The following SLC25A37 variants were observed in gnomAD, a reference collection of about 807,000 sequenced individuals.
SLC25A37 encodes the protein solute carrier family 25 member 37, also known as mitoferrin-1.
A neutral mutation model predicts 31.0 loss-of-function variants in SLC25A37; 17 were observed. The ratio of observed to expected loss-of-function variants is 0.55; its 90% CI spans 0.38 to 0.82. SLC25A37 has a LOEUF of 0.82. Ranked by LOEUF, SLC25A37 falls within the 40% of genes least tolerant of loss-of-function variation. The probability of loss-of-function intolerance (pLI) is 0.00; values close to 1 mark genes in which losing one functional copy is unlikely to be tolerated. For synonymous variants in SLC25A37, 222 were observed against 193.0 expected (o/e 1.15, Z -1.24); for missense variants, 404 against 465.8 (o/e 0.87, Z 1.22).
intron 1 of SLC25A37, among the ~76,000 whole-genome samples, chr8:23,535,703 C>T (rs1801751528): frequency 6.6e-6 from 1 of 152,204 alleles, no homozygotes; most frequent in African/African-American, 2.4e-5. Flanking sequence ...AATGGACCCA[C>T]AGTTCCACGT....
At chr8:23,546,752 T>A (rs1175430363) in intron 1 of SLC25A37, among the ~76,000 whole-genome samples, 2 of 145,284 alleles carry the variant, frequency 1.4e-5, no homozygotes, top group African/African-American at 5.0e-5. Flanking sequence ...ATTGTGCAGG[T>A]GATAAAATCA....
intron 1 of SLC25A37, among the ~76,000 whole-genome samples, chr8:23,556,276 G>A (rs1377072137): frequency 2.0e-5 from 3 of 149,882 alleles, no homozygotes; most frequent in Non-Finnish European, 3.0e-5. Flanking sequence ...GCTGAAGTGC[G>A]GTGACATGAT....
At chr8:23,559,233 C>T (rs369232474) in intron 1 of SLC25A37, among the ~76,000 whole-genome samples, 3 of 152,098 alleles carry the variant, frequency 2.0e-5, no homozygotes, top group East Asian at 1.9e-4. Flanking sequence ...AAAATGCAAA[C>T]GTGGAAACTG....
In SLC25A37 at chr8:23,529,288, G is replaced by T; in HGVS notation, c.210+76G>T. 7.1e-7 allele frequency: 1 copy of T among 1,418,162 alleles called. No homozygotes were observed. Among genetic ancestry groups the T allele is most frequent in the Non-Finnish European group, 9.5e-7 (1 of 1,055,078 alleles). The allele number at this position is 1,418,162 out of a possible 1,614,324, so 87.8% of individuals were successfully genotyped here. A position where few individuals can be genotyped will look rare whatever the true frequency, so the allele number is the denominator to read the frequency against. The stretch of plus-strand genomic sequence containing the variant: ...GCGCGCATTTGCATCCCGCGCGCCG[G>T]CAGCCTCGGGGCAGCGTCCCGAAAC... On this transcript the variant is annotated intron_variant, in intron 1 of 3. Coordinates refer to ENST00000519973, the MANE Select transcript of SLC25A37 (RefSeq NM_016612.4). This position sits in a 1 kb window ranked among gnomAD's most constrained non-coding sequence, Gnocchi z 4.1.
At chr8:23,552,521 C>G (rs1291195925) in intron 1 of SLC25A37, among the ~76,000 whole-genome samples, 1 of 152,170 alleles carries the variant, frequency 6.6e-6, no homozygotes, top group Non-Finnish European at 1.5e-5. Flanking sequence ...AGCTTCAAAG[C>G]TGGTCCCTCT....
intron 1 of SLC25A37, among the ~76,000 whole-genome samples, chr8:23,557,185 G>GC (rs1285553928): frequency 6.6e-6 from 1 of 152,256 alleles, no homozygotes; most frequent in African/African-American, 2.4e-5. Context: ...TTTTCAAAGG[G>GC]CCAGGGTGGG....
Position 23,543,688 on chromosome 8 carries a change from C to G in SLC25A37, c.210+14476C>G, listed in dbSNP as rs1801959666. On this transcript the variant is annotated intron_variant, in intron 1 of 3. Transcript: ENST00000519973. ...TTGCTGGGACTACAGGCGCCTGCCA[C>G]CACGCCCAGCTAAATTTTGTATTTT... is the stretch of plus-strand genomic sequence containing the variant. 2.6e-5 allele frequency among the ~76,000 whole-genome samples: 4 copies of G among 152,218 alleles called. 1 individual carries two copies. The highest frequency in any genetic ancestry group is 2.6e-4 in the Admixed American group (4 of 15,286).
intron 1 of SLC25A37, among the ~76,000 whole-genome samples, chr8:23,562,448 G>A (rs6557687): frequency 0.35 from 52,940 of 152,110 alleles, 9,532 homozygotes; most frequent in African/African-American, 0.43. Context: ...CTTTCACCCC[G>A]GTGGGTATTC....
At position 23,529,205 on chromosome 8, in the gene SLC25A37, C is replaced by T. The variant is rs1401406180; in HGVS notation, c.203C>T (p.Ser68Leu). The T allele has an allele frequency of 1.9e-6, 3 of 1,606,422 alleles. No homozygotes were observed. Among genetic ancestry groups the T allele is most frequent in the Non-Finnish European group, 2.5e-6 (3 of 1,177,164 alleles). Residue 68 changes from serine to leucine, a missense_variant, in exon 1 of 4, where the codon TCG (serine) becomes TTG (leucine). Transcript: ENST00000519973. This position sits in a 1 kb window ranked among gnomAD's most constrained non-coding sequence, Gnocchi z 4.1. ...LEHSVMYPVD[S>L]VKTRMQSLSP... Reference sequence around the variant, plus strand: ...CACTCGGTCATGTACCCGGTGGACTCGGTGAAGGTGAGGCGCGGGGAGACT... The same window carrying T: ...CACTCGGTCATGTACCCGGTGGACTTGGTGAAGGTGAGGCGCGGGGAGACT...
In SLC25A37 at chr8:23,529,194, C is replaced by G; in HGVS notation, c.192C>G (p.Tyr64Ter). The part of the protein sequence containing the change: ...MAGILEHSVM[Y>*]PVDSVKTRMQ... ...GGATCCTGGAGCACTCGGTCATGTACCCGGTGGACTCGGTGAAGGTGAGGC... is the reference window on the plus strand; with the variant it reads ...GGATCCTGGAGCACTCGGTCATGTAGCCGGTGGACTCGGTGAAGGTGAGGC... The change falls in exon 1 of 4, where the codon TAC becomes TAG. Residue 64 changes from tyrosine to a stop codon, truncating the protein, a stop_gained. Coordinates refer to ENST00000519973, the MANE Select transcript of SLC25A37 (RefSeq NM_016612.4). LOFTEE classifies it high-confidence loss of function. This position sits in a 1 kb window ranked among gnomAD's most constrained non-coding sequence, Gnocchi z 4.1. 1.2e-6 allele frequency: 2 copies of G among 1,609,600 alleles called. No individual in the cohort carries two copies. Among genetic ancestry groups the G allele is most frequent in the Non-Finnish European group, 1.7e-6 (2 of 1,178,452 alleles).
At chr8:23,550,196 A>C (rs1802185747) in intron 1 of SLC25A37, among the ~76,000 whole-genome samples, 1 of 135,706 alleles carries the variant, frequency 7.4e-6, no homozygotes, top group Non-Finnish European at 1.5e-5. Context: ...AAAAAAAAAA[A>C]AAAAACACAA....
Position 23,574,292 on chromosome 8 carries a change from C to G in SLC25A37, c.*2437C>G, listed in dbSNP as rs11779396. 0.083 allele frequency: 13,187 copies of G among 158,618 alleles called. 678 individuals carry two copies. Among genetic ancestry groups the G allele is most frequent in the African/African-American group, 0.14 (5,889 of 41,708 alleles). The allele number at this position is 158,618 out of a possible 1,614,324, so 9.8% of individuals were successfully genotyped here. On this transcript the variant is annotated 3_prime_UTR_variant, in exon 4 of 4. Transcript: ENST00000519973. Reference sequence around the variant, plus strand: ...CCAGCCTGGCCAACATGATGAAACCCCATCTCTACTAAAAATACAAAAAAT... The same window carrying G: ...CCAGCCTGGCCAACATGATGAAACCGCATCTCTACTAAAAATACAAAAAAT...
intron 1 of SLC25A37, among the ~76,000 whole-genome samples, chr8:23,536,244 C>T (rs1801765073): frequency 6.6e-6 from 1 of 152,184 alleles, no homozygotes; most frequent in African/African-American, 2.4e-5. Flanking sequence ...CTCACATGCA[C>T]CCCCAATGTT....
Position 23,571,678 on chromosome 8 carries a change from G to A in SLC25A37, c.840G>A (p.Ser280=), listed in dbSNP as rs1487443977. 5 of 1,613,840 alleles carry A rather than the reference G, an allele frequency of 3.1e-6. No individual in the cohort carries two copies. Among genetic ancestry groups the A allele is most frequent in the Non-Finnish European group, 4.2e-6 (5 of 1,179,906 alleles). The part of the protein sequence containing the change: ...LSLANISGRL[S]GMANAFRTVY... ...TGGCCAACATCAGCGGCCGGCTGTC[G>A]GGTATGGCCAATGCCTTCCGGACGG... Residue 280 remains serine (S), a synonymous_variant, in exon 4 of 4, where the codon TCG becomes TCA. Transcript: ENST00000519973.
intron 3 of SLC25A37, among the ~76,000 whole-genome samples, chr8:23,570,122 G>A (rs73671478): frequency 0.087 from 13,157 of 152,088 alleles, 712 homozygotes; most frequent in African/African-American, 0.14. Context: ...TGCTGAGGTT[G>A]ACCCGATGGG....
intron 1 of SLC25A37, among the ~76,000 whole-genome samples, chr8:23,559,628 C>T (rs779861474): frequency 7.9e-5 from 12 of 152,150 alleles, no homozygotes; most frequent in Non-Finnish European, 1.6e-4. Flanking sequence ...AACTCCTGTA[C>T]CCATAAAACA....
In SLC25A37 at chr8:23,566,211, G is replaced by T. The variant is rs751352553; in HGVS notation, c.314G>T (p.Arg105Leu). 1 of 1,603,922 alleles carries T rather than the reference G, an allele frequency of 6.2e-7. No homozygotes were observed. ...MRTEGFWRPL[R>L]GVNVMIMGAG... ...ACCGAAGGCTTCTGGAGGCCCTTGC[G>T]AGGCGTCAACGTCATGATCATGGGT... Residue 105 changes from arginine (R) to leucine (L), a missense_variant, in exon 2 of 4, where the codon CGA becomes CTA. Physicochemically the swap from Arg to Leu is moderately radical, Grantham distance 102 (BLOSUM62 -2). Transcript: ENST00000519973.
chr8:23,533,992 G>C (rs1294346399), intron 1 of SLC25A37, among the ~76,000 whole-genome samples: 1 of 152,004 alleles, frequency 6.6e-6, no homozygotes, highest in Non-Finnish European at 1.5e-5. Flanking sequence ...CTGTCACCCA[G>C]GTTGGAGAGT....
chr8:23,546,560 A>ATATATATATATAGTG (rs1802060531), intron 1 of SLC25A37, among the ~76,000 whole-genome samples: 1 of 77,186 alleles, frequency 1.3e-5, no homozygotes, highest in Non-Finnish European at 2.2e-5. Flanking sequence ...TATAGTGTAT[A>ATATATATATATAGTG]TATATATATA....
Sources: allele counts gnomAD v4.1 joint callset (sites outside exome capture counted in the v4.1 genomes callset), GRCh38; gene constraint gnomAD v4.1.1; non-coding constraint Gnocchi (gnomAD v3.1); transcripts MANE v1.5; gene names NCBI Gene and HGNC (gene_info 2026-07-23, HGNC 2026-07-21).